Variants in DACH1 observed in about 807,000 individuals in gnomAD.
DACH1 encodes dachshund homolog 1.
In DACH1, 12 loss-of-function variants were observed where a neutral mutation model predicts 54.2. The ratio of observed to expected loss-of-function variants is 0.22; its 90% CI spans 0.14 to 0.36. The LOEUF (loss-of-function observed/expected upper bound fraction) is 0.36, where lower values mean the gene tolerates loss of function less well. Ranked by LOEUF, DACH1 falls within the 10% of genes least tolerant of loss-of-function variation. DACH1 has a pLI of 1.00. For missense variants in DACH1, 805 were observed against 929.8 expected, an observed-to-expected ratio of 0.87 and a Z score of 1.75; for synonymous variants, 386 against 366.2, an observed-to-expected ratio of 1.05 and a Z score of -0.62.
At chr13:71,611,165 T>C (rs1402556514) in intron 3 of DACH1, among the ~76,000 whole-genome samples, 1 of 152,142 alleles carries the variant, frequency 6.6e-6, no homozygotes, top group East Asian at 1.9e-4. Context: ...AGACTTTCTC[T>C]TCATCAAGGG....
intron 7 of DACH1, among the ~76,000 whole-genome samples, chr13:71,479,759 A>G (rs760091250): frequency 2.6e-5 from 4 of 151,658 alleles, no homozygotes; most frequent in Non-Finnish European, 5.9e-5. Flanking sequence ...TCATTCTCCC[A>G]CTCCCTACCA....
intron 1 of DACH1, among the ~76,000 whole-genome samples, chr13:71,712,836 T>C (rs1022195827): frequency 3.3e-5 from 5 of 152,232 alleles, no homozygotes; most frequent in African/African-American, 1.2e-4. Flanking sequence ...TTTTCATATT[T>C]CACTAATGGA....
intron 7 of DACH1, among the ~76,000 whole-genome samples, chr13:71,487,977 C>T (rs1478426774): frequency 6.6e-6 from 1 of 151,844 alleles, no homozygotes; most frequent in African/African-American, 2.4e-5. Context: ...GTTATAAAAC[C>T]TTAAAGTTGA....
chr13:71,598,972 T>A (rs1874304854), intron 3 of DACH1, among the ~76,000 whole-genome samples: 1 of 152,158 alleles, frequency 6.6e-6, no homozygotes, highest in South Asian at 2.1e-4. Flanking sequence ...CTAACTTTTT[T>A]AAAGTGTCTA....
intron 6 of DACH1, among the ~76,000 whole-genome samples, chr13:71,532,816 A>T (rs949652876): frequency 4.6e-5 from 7 of 151,968 alleles, no homozygotes; most frequent in African/African-American, 1.7e-4. Flanking sequence ...ATATCAACTC[A>T]TATATAAATA....
At chr13:71,838,724 T>C (rs1034369627) in intron 1 of DACH1, among the ~76,000 whole-genome samples, 1 of 152,186 alleles carries the variant, frequency 6.6e-6, no homozygotes, top group Non-Finnish European at 1.5e-5. Flanking sequence ...GATTTTCATT[T>C]GTTGTTCCTA....
Position 71,856,401 on chromosome 13 carries a change from T to A in DACH1, c.848+9521A>T, listed in dbSNP as rs537739575. Among the ~76,000 whole-genome samples the A allele has an allele frequency of 9.2e-5, 14 of 152,092 alleles. No individual in the cohort carries two copies. In the South Asian group the frequency reaches 2.9e-3, roughly 31 times the overall value. ...GTGAACAGCAGACATATATTCATCTTTGATTATAGTACACACTTATCAGAG... is the reference window on the plus strand; with the variant it reads ...GTGAACAGCAGACATATATTCATCTATGATTATAGTACACACTTATCAGAG... On this transcript the variant is annotated intron_variant, in intron 1 of 10. Transcript: ENST00000613252.
At chr13:71,479,364 A>G (rs1473839312) in intron 7 of DACH1, 48 bp from the exon 8 acceptor site, 9 of 1,563,914 alleles carry the variant, frequency 5.8e-6, no homozygotes, top group Non-Finnish European at 6.9e-6. Context: ...TACAAAGCAA[A>G]TTTCGTTCAT....
At chr13:71,506,719 T>A (rs1319380808) in intron 6 of DACH1, among the ~76,000 whole-genome samples, 1 of 152,006 alleles carries the variant, frequency 6.6e-6, no homozygotes, top group African/African-American at 2.4e-5. Flanking sequence ...TATTGATCAA[T>A]GGAACAGAAC....
chr13:71,715,955 G>A (rs1166828470), intron 1 of DACH1, among the ~76,000 whole-genome samples: 2 of 151,896 alleles, frequency 1.3e-5, no homozygotes, highest in African/African-American at 2.4e-5. Flanking sequence ...TCTTTCTAGA[G>A]GTGTAAGTGA....
chr13:71,506,501 A>G (rs368800318), intron 6 of DACH1, among the ~76,000 whole-genome samples: 1 of 151,740 alleles, frequency 6.6e-6, no homozygotes, highest in African/African-American at 2.4e-5. Context: ...ATTCCATGGT[A>G]TATATGTGCC....
chr13:71,718,910 C>T (rs1883107239), intron 1 of DACH1, among the ~76,000 whole-genome samples: 1 of 152,164 alleles, frequency 6.6e-6, no homozygotes, highest in South Asian at 2.1e-4. Context: ...CATTTATAAA[C>T]CATCCTACCC....
At chr13:71,864,265 C>T (rs1182612941) in intron 1 of DACH1, among the ~76,000 whole-genome samples, 1 of 151,752 alleles carries the variant, frequency 6.6e-6, no homozygotes, top group Non-Finnish European at 1.5e-5. Context: ...ACACCCAAGT[C>T]CCATGGAAGG....
intron 10 of DACH1, 135 bp from the exon 11 acceptor site, chr13:71,440,827 A>ATATC (rs1261464822): frequency 3.1e-6 from 2 of 638,866 alleles, no homozygotes; most frequent in Non-Finnish European, 2.7e-6. Context: ...AACATTTTTC[A>ATATC]TATCTTCTCA....
chr13:71,608,184 C>T (rs899646065), intron 3 of DACH1, among the ~76,000 whole-genome samples: 19 of 151,768 alleles, frequency 1.3e-4, no homozygotes, highest in Admixed American at 1.2e-3. Context: ...CAGAAAAATA[C>T]TTTTTCTGAA....
intron 1 of DACH1, among the ~76,000 whole-genome samples, chr13:71,695,073 G>T (rs977776132): frequency 1.3e-5 from 2 of 152,168 alleles, no homozygotes; most frequent in African/African-American, 4.8e-5. Flanking sequence ...CATTACATTA[G>T]AGAGAAGTCT....
chr13:71,538,209 T>A (rs761346246), intron 6 of DACH1, among the ~76,000 whole-genome samples: 2 of 152,066 alleles, frequency 1.3e-5, no homozygotes, highest in African/African-American at 2.4e-5. Context: ...ATACTAAGGT[T>A]AAAAATCTAA....
chr13:71,761,456 A>C (rs112689655), intron 1 of DACH1, among the ~76,000 whole-genome samples: 3,271 of 152,270 alleles, frequency 0.021, 130 homozygotes, highest in African/African-American at 0.075. Flanking sequence ...TTACAATACT[A>C]TATTCTCCTG....
At chr13:71,764,483 A>T (rs564524944) in intron 1 of DACH1, among the ~76,000 whole-genome samples, 2 of 152,316 alleles carry the variant, frequency 1.3e-5, no homozygotes, top group East Asian at 1.9e-4. Context: ...AATGTTATAA[A>T]TGAGATAAAG....
Sources: gnomAD v4.1 joint callset for allele counts (sites outside exome capture counted in the v4.1 genomes callset) on GRCh38, gnomAD v4.1.1 for gene constraint, MANE v1.5 for transcripts, NCBI Gene and HGNC (gene_info 2026-07-23, HGNC 2026-07-21) for gene names.